HSD17B14: variants seen among roughly 807,000 people sequenced by gnomAD.
HSD17B14 encodes the protein L-fucose dehydrogenase.
A neutral mutation model predicts 32.2 loss-of-function variants in HSD17B14; 32 were observed. The ratio of observed to expected loss-of-function variants is 0.99; its 90% CI spans 0.75 to 1.33. The LOEUF is 1.33. Among genes scored for constraint, HSD17B14 ranks in the 40% most tolerant of loss-of-function variants. The pLI is 0.00. For synonymous variants in HSD17B14, 140 were observed against 155.4 expected, an observed-to-expected ratio of 0.90 and a Z score of 0.74; for missense variants, 370 against 366.5, an observed-to-expected ratio of 1.01 and a Z score of -0.08.
At chr19:48,818,383 C>T (rs565011397) in intron 5 of HSD17B14, among the ~76,000 whole-genome samples, 1 of 151,796 alleles carries the variant, frequency 6.6e-6, no homozygotes, top group South Asian at 2.1e-4. Context: ...GGGCATTGAC[C>T]AGCCTCTGCC....
intron 5 of HSD17B14, among the ~76,000 whole-genome samples, chr19:48,824,328 T>G (rs1356722553): frequency 6.9e-6 from 1 of 144,314 alleles, no homozygotes; most frequent in Non-Finnish European, 1.5e-5. Context: ...CTCGGCGGGC[T>G]GAGAGGATGA....
At chr19:48,823,937 G>A (rs865893751) in intron 5 of HSD17B14, among the ~76,000 whole-genome samples, 10 of 149,372 alleles carry the variant, frequency 6.7e-5, no homozygotes, top group African/African-American at 1.2e-4. Context: ...CACTGCATCC[G>A]GTCTATTTTT....
intron 5 of HSD17B14, among the ~76,000 whole-genome samples, chr19:48,825,698 C>A (rs1289957408): frequency 2.1e-4 from 32 of 152,210 alleles, no homozygotes; most frequent in Non-Finnish European, 4.4e-5. Context: ...AACAGAGGAG[C>A]AGAAATGTTG....
At chr19:48,821,818 G>A (rs891014963) in intron 5 of HSD17B14, among the ~76,000 whole-genome samples, 1 of 151,952 alleles carries the variant, frequency 6.6e-6, no homozygotes, top group African/African-American at 2.4e-5. Flanking sequence ...TGATGGTGAC[G>A]GTGATGGTGA....
At position 48,827,636 on chromosome 19, in the gene HSD17B14, C is replaced by G. The variant is rs1234207060; in HGVS notation, c.369+4032G>C. On this transcript the variant is annotated intron_variant, in intron 5 of 8. Coordinates refer to ENST00000263278, the MANE Select transcript of HSD17B14 (RefSeq NM_016246.3). ...CACTGCAACCTCCATCTCCCAGGTT[C>G]CAGCAATTCTCCTGCCTCAGCCTCA... Among the ~76,000 whole-genome samples, 3 of 151,512 alleles carry G rather than the reference C, an allele frequency of 2.0e-5. No homozygotes were observed. In the East Asian group the frequency reaches 5.8e-4, roughly 29 times the overall value.
chr19:48,823,073 G>T (rs1329571506), intron 5 of HSD17B14, among the ~76,000 whole-genome samples: 1 of 152,174 alleles, frequency 6.6e-6, no homozygotes, highest in Non-Finnish European at 1.5e-5. Context: ...CGGGATCCTG[G>T]TGTGAACAAA....
In HSD17B14 at chr19:48,831,665, C is replaced by A. The variant is rs775345937; in HGVS notation, c.369+3G>T. On this transcript the variant is annotated splice_donor_region_variant and intron_variant, in intron 5 of 8. Coordinates refer to ENST00000263278, the MANE Select transcript of HSD17B14 (RefSeq NM_016246.3). Reference sequence around the variant, plus strand: ...GCCTGGCGGCAGGGTCGCCAGCCCTCACCTTGGTCAAGGTGTACGTCCCCA... The same window carrying A: ...GCCTGGCGGCAGGGTCGCCAGCCCTAACCTTGGTCAAGGTGTACGTCCCCA... The A allele has an allele frequency of 3.1e-6, 5 of 1,612,662 alleles. No homozygotes were observed. The African/African-American group carries it at 6.7e-5, about 22-fold the overall frequency.
intron 5 of HSD17B14, among the ~76,000 whole-genome samples, chr19:48,825,817 A>C (rs1035674795): frequency 6.6e-5 from 10 of 151,524 alleles, no homozygotes; most frequent in Non-Finnish European, 1.0e-4. Context: ...AACTTGACCA[A>C]CTTTATTTAT....
intron 4 of HSD17B14, among the ~76,000 whole-genome samples, chr19:48,832,402 G>C (rs886335441): frequency 4.1e-4 from 63 of 151,818 alleles, no homozygotes; most frequent in African/African-American, 1.5e-3. Context: ...AGAAAGAAGA[G>C]AAGAGAAGAA....
At chr19:48,814,864 A>G (rs934784462) in intron 6 of HSD17B14, among the ~76,000 whole-genome samples, 173 bp downstream of exon 6, 1 of 151,840 alleles carries the variant, frequency 6.6e-6, no homozygotes, top group African/African-American at 2.4e-5. Flanking sequence ...AAAAGAAAAG[A>G]AAAAACAGAA....
intron 3 of HSD17B14, 28 bp from the exon 4 acceptor site, chr19:48,832,760 T>C (rs765946620): frequency 1.3e-6 from 2 of 1,586,512 alleles, no homozygotes; most frequent in African/African-American, 2.7e-5. Flanking sequence ...GTCCTTTGTT[T>C]TTTTTTTTTG....
chr19:48,813,808 AG>A lies in HSD17B14; in HGVS notation c.475-79del, dbSNP rs986154691. ...TGCCATCCATTGTCTCCTGCCAGCCAGGGGGGCATCAGAATGGGGAAGTCAT... is the reference window on the plus strand; with the variant it reads ...TGCCATCCATTGTCTCCTGCCAGCCAGGGGGCATCAGAATGGGGAAGTCAT... On this transcript the variant is annotated intron_variant, in intron 6 of 8. Transcript: ENST00000263278. The A allele has an allele frequency of 7.8e-5, 119 of 1,522,998 alleles. 1 individual carries two copies. In the South Asian group the frequency reaches 9.9e-4, roughly 13 times the overall value. The allele number at this position is 1,522,998 out of a possible 1,614,324, so 94.3% of individuals were successfully genotyped here.
chr19:48,813,088 TA>T lies in HSD17B14; in HGVS notation c.*86del. The T allele has an allele frequency of 2.3e-6, 2 of 854,728 alleles. No homozygotes were observed. Among genetic ancestry groups the T allele is most frequent in the Non-Finnish European group, 3.6e-6 (2 of 551,240 alleles). 52.9% of individuals were successfully genotyped at this position (854,728 alleles called of 1,614,324 possible). A position where few individuals can be genotyped will look rare whatever the true frequency, so the allele number is the denominator to read the frequency against. On this transcript the variant is annotated 3_prime_UTR_variant, in exon 9 of 9. Coordinates refer to ENST00000263278, the MANE Select transcript of HSD17B14 (RefSeq NM_016246.3). ...CACCTTGCTAACTGGGCTTAGAGTCTAAGGGCTTGGGGGCTGCATCTGATAC... is the reference window on the plus strand; with the variant it reads ...CACCTTGCTAACTGGGCTTAGAGTCTAGGGCTTGGGGGCTGCATCTGATAC...
chr19:48,813,707 T>A lies in HSD17B14; in HGVS notation c.498A>T (p.Lys166Asn), dbSNP rs1568515806. Residue 166 changes from lysine to asparagine, a missense_variant, in exon 7 of 9, where the codon AAA (lysine) becomes AAT (asparagine). Lys to Asn is a moderately conservative substitution (Grantham distance 94). Coordinates refer to ENST00000263278, the MANE Select transcript of HSD17B14 (RefSeq NM_016246.3). Reference protein sequence around the residue: ...ATKGAVTAMTKALALDESPYG... With the variant: ...ATKGAVTAMTNALALDESPYG... ...ATGGACTTTCATCCAGGGCCAAAGC[T>A]TTGGTCATGGCTGTTACTGCCCCCT... 2 of 1,614,046 alleles carry A rather than the reference T, an allele frequency of 1.2e-6. No individual in the cohort carries two copies. Among genetic ancestry groups the A allele is most frequent in the Non-Finnish European group, 1.7e-6 (2 of 1,180,036 alleles).
rs111168979 is a variant in HSD17B14, at chr19:48,822,247, A to G, written c.370-7106T>C. ...GGTAATGATGGTGGTGATGTTGGTG[A>G]TGGTAAATTTTAGTAATGACGGTGG... On this transcript the variant is annotated intron_variant, in intron 5 of 8. Transcript: ENST00000263278. Among the ~76,000 whole-genome samples the G allele has an allele frequency of 4.2e-3, 584 of 138,412 alleles. 4 individuals carry two copies. The highest frequency in any genetic ancestry group is 0.015 in the African/African-American group (553 of 36,554). The allele number at this position is 138,412 out of a possible 152,430, so 90.8% of individuals were successfully genotyped here.
intron 5 of HSD17B14, among the ~76,000 whole-genome samples, chr19:48,828,447 G>A (rs2035286718): frequency 6.6e-6 from 1 of 151,760 alleles, no homozygotes; most frequent in Non-Finnish European, 1.5e-5. Context: ...GAAAGACCCT[G>A]TCTCTACAAA....
At chr19:48,829,751 C>G (rs928428297) in intron 5 of HSD17B14, among the ~76,000 whole-genome samples, 1 of 143,608 alleles carries the variant, frequency 7.0e-6, no homozygotes, top group Non-Finnish European at 1.5e-5. Context: ...TCAAGTGATT[C>G]TCCTGCCTCA....
intron 2 of HSD17B14, among the ~76,000 whole-genome samples, chr19:48,835,325 G>A (rs1348825600): frequency 9.3e-5 from 10 of 107,344 alleles, no homozygotes; most frequent in South Asian, 4.1e-4. Flanking sequence ...GGGTCTGAGG[G>A]AGGAGGGGCT....
intron 5 of HSD17B14, among the ~76,000 whole-genome samples, chr19:48,822,360 T>C (rs1173535544): frequency 6.7e-6 from 1 of 150,158 alleles, no homozygotes; most frequent in African/African-American, 2.5e-5. Flanking sequence ...ATGGTGGCAA[T>C]GATGGTGATG....
Sources: gnomAD v4.1 joint callset for allele counts (sites outside exome capture counted in the v4.1 genomes callset) on GRCh38, gnomAD v4.1.1 for gene constraint, MANE v1.5 for transcripts, NCBI Gene and HGNC (gene_info 2026-07-23, HGNC 2026-07-21) for gene names.